The following CCDC91 variants were observed in gnomAD, a reference collection of about 807,000 sequenced individuals.
The protein encoded by CCDC91 is coiled-coil domain-containing protein 91.
In CCDC91, 48 loss-of-function variants were observed where a neutral mutation model predicts 63.2. The ratio of observed to expected loss-of-function variants is 0.76; its 90% CI spans 0.60 to 0.97. The LOEUF (loss-of-function observed/expected upper bound fraction) is 0.97, where lower values mean the gene tolerates loss of function less well. Ranked by LOEUF, CCDC91 falls within the 50% of genes least tolerant of loss-of-function variation. The pLI, the probability that CCDC91 is intolerant of heterozygous loss-of-function variation, is 0.00. For synonymous variants in CCDC91, 167 were observed against 165.8 expected (o/e 1.01, Z -0.06); for missense variants, 500 against 494.6 (o/e 1.01, Z -0.10).
chr12:28,478,266 A>G (rs574766507), intron 11 of CCDC91, among the ~76,000 whole-genome samples: 1 of 152,302 alleles, frequency 6.6e-6, no homozygotes, highest in South Asian at 2.1e-4. Context: ...AAACAGAGAT[A>G]TAGACCAATG....
intron 6 of CCDC91, among the ~76,000 whole-genome samples, chr12:28,320,756 G>A (rs1163833872): frequency 6.6e-6 from 1 of 151,962 alleles, no homozygotes; most frequent in Non-Finnish European, 1.5e-5. Context: ...TGTTGAAGGA[G>A]AAGACATATT....
chr12:28,437,760 T>G (rs527525433), intron 8 of CCDC91, among the ~76,000 whole-genome samples: 4 of 152,216 alleles, frequency 2.6e-5, no homozygotes, highest in African/African-American at 9.6e-5. Context: ...CCTTTTTTTT[T>G]AACAAAATAA....
intron 12 of CCDC91, among the ~76,000 whole-genome samples, chr12:28,539,247 G>A (rs1175318226): frequency 2.0e-4 from 31 of 152,096 alleles, no homozygotes; most frequent in South Asian, 8.3e-4. Context: ...TAGGTCTAAC[G>A]TTTAAGTCTT....
intron 8 of CCDC91, among the ~76,000 whole-genome samples, chr12:28,428,384 G>A (rs1449882482): frequency 2.6e-5 from 4 of 151,542 alleles, no homozygotes; most frequent in African/African-American, 4.8e-5. Flanking sequence ...CAGCCTGACC[G>A]ACAAGGAGAA....
chr12:28,297,829 T>C (rs955509607), intron 3 of CCDC91, among the ~76,000 whole-genome samples: 3 of 151,860 alleles, frequency 2.0e-5, no homozygotes, highest in Admixed American at 2.0e-4. Flanking sequence ...ATATTTTACA[T>C]ACTAGAATTT....
At chr12:28,457,685 T>A (rs1482781980) in intron 11 of CCDC91, among the ~76,000 whole-genome samples, 1 of 151,852 alleles carries the variant, frequency 6.6e-6, no homozygotes. Context: ...ACTTGAGAGA[T>A]GTTTTCCTTT....
chr12:28,279,541 CT>C (rs1948461706), intron 3 of CCDC91, among the ~76,000 whole-genome samples: 1 of 152,100 alleles, frequency 6.6e-6, no homozygotes, highest in Non-Finnish European at 1.5e-5. Flanking sequence ...GCACCAGCTC[CT>C]TTCTGGTTCT....
At chr12:28,429,070 A>G (rs1404591675) in intron 8 of CCDC91, among the ~76,000 whole-genome samples, 2 of 152,190 alleles carry the variant, frequency 1.3e-5, no homozygotes, top group African/African-American at 2.4e-5. Flanking sequence ...TTTGGGTCTA[A>G]CTAGTGGTTG....
chr12:28,210,252 T>C (rs11513467), intron 1 of CCDC91, among the ~76,000 whole-genome samples: 39,496 of 151,942 alleles, frequency 0.26, 5,355 homozygotes, highest in Non-Finnish European at 0.31. Context: ...ATAATTTAGA[T>C]CGTATATCTT....
At chr12:28,477,383 G>A (rs1951162481) in intron 11 of CCDC91, among the ~76,000 whole-genome samples, 1 of 152,000 alleles carries the variant, frequency 6.6e-6, no homozygotes, top group African/African-American at 2.4e-5. Flanking sequence ...TGATTATCTT[G>A]ATAGATGCAG....
intron 1 of CCDC91, among the ~76,000 whole-genome samples, chr12:28,246,882 A>G (rs1945775079): frequency 1.3e-5 from 2 of 152,210 alleles, no homozygotes; most frequent in African/African-American, 4.8e-5. Flanking sequence ...AAGAAGGATA[A>G]TACTATTGAC....
At chr12:28,543,124 C>T (rs1942746140) in intron 12 of CCDC91, among the ~76,000 whole-genome samples, 1 of 152,038 alleles carries the variant, frequency 6.6e-6, no homozygotes, top group South Asian at 2.1e-4. Flanking sequence ...ATCTGTGTCT[C>T]TGTTTCTCTT....
chr12:28,542,179 G>A (rs1050795419), intron 12 of CCDC91, among the ~76,000 whole-genome samples: 3 of 151,944 alleles, frequency 2.0e-5, no homozygotes, highest in East Asian at 3.9e-4. Flanking sequence ...ATTTCCCAGT[G>A]GATTATTTGG....
At chr12:28,528,667 AC>A (rs945947245) in intron 12 of CCDC91, among the ~76,000 whole-genome samples, 4 of 151,836 alleles carry the variant, frequency 2.6e-5, no homozygotes, top group African/African-American at 9.7e-5. Context: ...GATCTGTTTC[AC>A]CCCACTGAAG....
chr12:28,416,026 G>A (rs1485654620), intron 8 of CCDC91, among the ~76,000 whole-genome samples: 1 of 151,698 alleles, frequency 6.6e-6, no homozygotes, highest in Non-Finnish European at 1.5e-5. Flanking sequence ...TCATGAAGGA[G>A]GAATGGCTCT....
chr12:28,536,685 C>T (rs1332423631), intron 12 of CCDC91, among the ~76,000 whole-genome samples: 2 of 152,124 alleles, frequency 1.3e-5, no homozygotes, highest in African/African-American at 4.8e-5. Context: ...GCTTAGAACA[C>T]TGCTTGGGAT....
intron 12 of CCDC91, among the ~76,000 whole-genome samples, chr12:28,532,751 T>C (rs1482293151): frequency 6.6e-6 from 1 of 152,088 alleles, no homozygotes. Flanking sequence ...AACTTAAATA[T>C]ATGTGAGGGT....
intron 3 of CCDC91, among the ~76,000 whole-genome samples, chr12:28,288,360 G>A (rs1949028314): frequency 6.6e-6 from 1 of 152,088 alleles, no homozygotes; most frequent in African/African-American, 2.4e-5. Flanking sequence ...TCATTATTTT[G>A]AGGCATGTTC....
intron 6 of CCDC91, among the ~76,000 whole-genome samples, chr12:28,312,747 A>G (rs554481537): frequency 6.6e-6 from 1 of 151,940 alleles, no homozygotes; most frequent in East Asian, 1.9e-4. Context: ...AATCATGGGG[A>G]TGTGTCTTTC....
Sources: gnomAD v4.1 joint callset for allele counts (sites outside exome capture counted in the v4.1 genomes callset) on GRCh38, gnomAD v4.1.1 for gene constraint, MANE v1.5 for transcripts, NCBI Gene and HGNC (gene_info 2026-07-23, HGNC 2026-07-21) for gene names.